CXCL13: variants seen among roughly 807,000 people sequenced by gnomAD.
The protein encoded by CXCL13 is C-X-C motif chemokine ligand 13, also known as C-X-C motif chemokine 13.
In CXCL13, 7 loss-of-function variants were observed where a neutral mutation model predicts 12.2. The observed-to-expected ratio is 0.57, with a 90% CI of 0.33 to 1.07. The LOEUF is 1.07. Among genes scored for constraint, CXCL13 ranks in the 50% least tolerant of loss-of-function variants. CXCL13 has a pLI of 0.04. For missense variants in CXCL13, 113 were observed against 127.4 expected (o/e 0.89, Z 0.55); for synonymous variants, 47 against 42.4 (o/e 1.11, Z -0.42).
Position 77,595,952 on chromosome 4 carries a change from T to C in CXCL13, c.-42-9872T>C, listed in dbSNP as rs571044153. Among the ~76,000 whole-genome samples, 7 of 152,308 alleles carry C rather than the reference T, an allele frequency of 4.6e-5. No individual in the cohort carries two copies. The South Asian group carries it at 1.2e-3, about 27-fold the overall frequency. On this transcript the variant is annotated intron_variant, in intron 1 of 4. Coordinates refer to the CXCL13 transcript ENST00000286758. ...TGTGATCACATAGAGGCTCCTCAAT[T>C]TGGCACTCAAACACCTCTCCCATGG...
rs138252584 is a variant in CXCL13 at position 77,523,670 on chromosome 4, T to C, written c.-43+11882T>C. ...TGGGTTAGAACATGCTCCTTTAGCT[T>C]GGAGAAGTTTGTTATTACCGATTTC... On this transcript the variant is annotated intron_variant, in intron 1 of 4. Transcript: ENST00000286758. 7.6e-3 allele frequency among the ~76,000 whole-genome samples: 1,153 copies of C among 152,346 alleles called. 14 individuals are homozygous for C. The highest frequency in any genetic ancestry group is 0.025 in the African/African-American group (1,041 of 41,574).
upstream of CXCL13, among the ~76,000 whole-genome samples, chr4:77,601,971 G>A (rs1726887949): frequency 1.3e-5 from 2 of 152,206 alleles, no homozygotes; most frequent in African/African-American, 4.8e-5. Context: ...GCAAACAGAT[G>A]TCAGATGTTC....
chr4:77,544,586 T>G (rs185047644), intron 1 of CXCL13, among the ~76,000 whole-genome samples: 1 of 152,314 alleles, frequency 6.6e-6, no homozygotes, highest in African/African-American at 2.4e-5. Context: ...CACTTTTTGA[T>G]GGGGTTGTTT....
At chr4:77,574,625 A>G (rs1176928806) in intron 1 of CXCL13, among the ~76,000 whole-genome samples, 1 of 151,942 alleles carries the variant, frequency 6.6e-6, no homozygotes, top group Non-Finnish European at 1.5e-5. Context: ...CACCTAAAAG[A>G]CAGAAAATGG....
chr4:77,530,524 A>G (rs931351379), intron 1 of CXCL13, among the ~76,000 whole-genome samples: 5 of 152,166 alleles, frequency 3.3e-5, no homozygotes, highest in African/African-American at 9.7e-5. Context: ...GTGTTCAGGA[A>G]TTTATCCATT....
At chr4:77,607,566 C>A in intron 1 of CXCL13, 137 bp from the exon 2 acceptor site, 1 of 707,024 alleles carries the variant, frequency 1.4e-6, no homozygotes, top group Non-Finnish European at 2.3e-6. Context: ...AATATACAAA[C>A]TAAAGACATA....
chr4:77,581,127 C>G (rs1726325490), intron 1 of CXCL13, among the ~76,000 whole-genome samples: 1 of 151,912 alleles, frequency 6.6e-6, no homozygotes, highest in Non-Finnish European at 1.5e-5. Context: ...CTAAAGAACC[C>G]CCAGGTTTCT....
intron 1 of CXCL13, among the ~76,000 whole-genome samples, chr4:77,573,716 C>G (rs907981077): frequency 3.3e-5 from 5 of 151,946 alleles, no homozygotes; most frequent in Non-Finnish European, 7.4e-5. Flanking sequence ...TGCTATAGCT[C>G]AGTAGCTAAG....
chr4:77,562,313 G>A (rs1425817821), intron 1 of CXCL13, among the ~76,000 whole-genome samples: 1 of 151,956 alleles, frequency 6.6e-6, no homozygotes, highest in African/African-American at 2.4e-5. Context: ...ACTGCCCAAG[G>A]GCTGAGGAGT....
rs1019728183 is a variant in CXCL13, at chr4:77,589,567, C to A, written c.-42-16257C>A. Among the ~76,000 whole-genome samples the A allele has an allele frequency of 3.3e-5, 5 of 151,750 alleles. No individual in the cohort carries two copies. In the East Asian group the frequency reaches 9.7e-4, roughly 29 times the overall value. On this transcript the variant is annotated intron_variant, in intron 1 of 4. Transcript: ENST00000286758. Reference sequence around the variant, plus strand: ...GTATGTATGTATCAGAAAAAAAAAACCTAGTACATATAGGGTTCTGTATTA... The same window carrying A: ...GTATGTATGTATCAGAAAAAAAAAAACTAGTACATATAGGGTTCTGTATTA...
upstream of CXCL13, among the ~76,000 whole-genome samples, chr4:77,602,905 A>G (rs1726910643): frequency 6.6e-6 from 1 of 152,196 alleles, no homozygotes; most frequent in Non-Finnish European, 1.5e-5. Context: ...TCATCTGGCT[A>G]TCAGAGAGCT....
intron 1 of CXCL13, among the ~76,000 whole-genome samples, chr4:77,546,871 G>A (rs1435927085): frequency 2.6e-5 from 4 of 152,104 alleles, no homozygotes; most frequent in African/African-American, 7.2e-5. Context: ...TCTCTTATGG[G>A]CATTTAGTGC....
At chr4:77,545,818 C>T (rs533650680) in intron 1 of CXCL13, among the ~76,000 whole-genome samples, 1 of 152,184 alleles carries the variant, frequency 6.6e-6, no homozygotes, top group African/African-American at 2.4e-5. Flanking sequence ...GCATCCCTGT[C>T]TTGTGACAGT....
At chr4:77,567,089 C>A (rs919427049) in intron 1 of CXCL13, among the ~76,000 whole-genome samples, 2 of 152,208 alleles carry the variant, frequency 1.3e-5, no homozygotes, top group Non-Finnish European at 2.9e-5. Flanking sequence ...CCTCTCCACC[C>A]TTGAGAAGTT....
At chr4:77,546,390 G>A (rs1725364363) in intron 1 of CXCL13, among the ~76,000 whole-genome samples, 1 of 152,106 alleles carries the variant, frequency 6.6e-6, no homozygotes, top group African/African-American at 2.4e-5. Context: ...GACTTTTTTG[G>A]TTGGTAGGCT....
intron 1 of CXCL13, among the ~76,000 whole-genome samples, chr4:77,563,897 G>C (rs558007885): frequency 3.9e-5 from 6 of 152,074 alleles, no homozygotes; most frequent in Admixed American, 1.3e-4. Flanking sequence ...GGGAAAACTC[G>C]TTGTGTAAAT....
intron 1 of CXCL13, among the ~76,000 whole-genome samples, chr4:77,567,323 C>A (rs903213260): frequency 6.6e-6 from 1 of 152,198 alleles, no homozygotes; most frequent in African/African-American, 2.4e-5. Flanking sequence ...AGTTTTACTG[C>A]TCACACAATG....
At chr4:77,527,542 G>A (rs150557992) in intron 1 of CXCL13, among the ~76,000 whole-genome samples, 21 of 152,236 alleles carry the variant, frequency 1.4e-4, no homozygotes, top group African/African-American at 4.3e-4. Flanking sequence ...TGAGGTGGGA[G>A]GATCACTTAA....
rs576513904 is a variant in CXCL13, at chr4:77,577,975, G to A, written c.-42-27849G>A. Among the ~76,000 whole-genome samples the A allele has an allele frequency of 5.8e-4, 88 of 152,062 alleles. 1 individual carries two copies. Among genetic ancestry groups the A allele is most frequent in the African/African-American group, 2.0e-3 (81 of 41,452 alleles). ...AGGTAATCATGTCTCCATACTATGC[G>A]ACACTCCCCTCAGATGCATCCTCCA... On this transcript the variant is annotated intron_variant, in intron 1 of 4. Transcript: ENST00000286758.
Sources: allele counts gnomAD v4.1 joint callset (sites outside exome capture counted in the v4.1 genomes callset), GRCh38; gene constraint gnomAD v4.1.1; transcripts MANE v1.5; gene names NCBI Gene and HGNC (gene_info 2026-07-23, HGNC 2026-07-21).